The following KCNT2 variants were observed in gnomAD, a reference collection of about 807,000 sequenced individuals.
KCNT2 encodes potassium sodium-activated channel subfamily T member 2, also known as potassium channel subfamily T member 2.
A neutral mutation model predicts 153.8 loss-of-function variants in KCNT2; 67 were observed. That is an observed-to-expected ratio of 0.44 (90% CI 0.36 to 0.53). The LOEUF is 0.53. Ranked by LOEUF, KCNT2 falls within the 20% of genes least tolerant of loss-of-function variation. KCNT2 has a pLI of 0.00. For missense variants in KCNT2, 975 were observed against 1,354.8 expected (o/e 0.72, Z 4.40); for synonymous variants, 500 against 458.8 (o/e 1.09, Z -1.15).
chr1:196,596,377 T>A (rs539894509), intron 1 of KCNT2, among the ~76,000 whole-genome samples: 1 of 152,224 alleles, frequency 6.6e-6, no homozygotes, highest in African/African-American at 2.4e-5. Flanking sequence ...TTTCACCACA[T>A]CCAAGCCAAC....
At position 196,399,937 on chromosome 1, in the gene KCNT2, C is replaced by A. The variant is rs373149529; in HGVS notation, c.1186-1266G>T. ...AGTCAGCTGGCTCCTTGATTTTGGACTTTGCAGCCTCCAGAATTGTGAGCA... is the reference window on the plus strand; with the variant it reads ...AGTCAGCTGGCTCCTTGATTTTGGAATTTGCAGCCTCCAGAATTGTGAGCA... On this transcript the variant is annotated intron_variant, in intron 12 of 27. Coordinates refer to ENST00000294725, the MANE Select transcript of KCNT2 (RefSeq NM_198503.5). 2.4e-4 allele frequency among the ~76,000 whole-genome samples: 37 copies of A among 151,920 alleles called. No individual in the cohort carries two copies. In the South Asian group the frequency reaches 7.5e-3, roughly 31 times the overall value.
At chr1:196,340,681 G>T in intron 15 of KCNT2, 111 bp from the exon 16 acceptor site, 1 of 663,608 alleles carries the variant, frequency 1.5e-6, no homozygotes, top group Non-Finnish European at 2.4e-6. Context: ...GATCCTAGAA[G>T]TTCAAGATCC....
At chr1:196,368,352 A>G (rs1338847521) in intron 14 of KCNT2, among the ~76,000 whole-genome samples, 1 of 152,144 alleles carries the variant, frequency 6.6e-6, no homozygotes, top group Non-Finnish European at 1.5e-5. Flanking sequence ...TTTAAACATT[A>G]AAAGCAAACA....
intron 1 of KCNT2, among the ~76,000 whole-genome samples, chr1:196,563,562 A>C (rs1659706967): frequency 6.6e-6 from 1 of 151,936 alleles, no homozygotes; most frequent in African/African-American, 2.4e-5. Flanking sequence ...TAGACAAAGA[A>C]ACTACAAGAA....
intron 1 of KCNT2, among the ~76,000 whole-genome samples, chr1:196,505,309 C>T (rs1302162993): frequency 1.3e-5 from 2 of 152,154 alleles, no homozygotes; most frequent in Non-Finnish European, 2.9e-5. Flanking sequence ...ATATGGCTAA[C>T]CAGTTTTCCC....
intron 16 of KCNT2, among the ~76,000 whole-genome samples, chr1:196,338,930 G>A (rs1665304687): frequency 7.8e-6 from 1 of 127,986 alleles, no homozygotes; most frequent in African/African-American, 3.1e-5. Flanking sequence ...AAGGATAATG[G>A]TGTCATCTGC....
chr1:196,311,027 C>T (rs1487954828), intron 21 of KCNT2, among the ~76,000 whole-genome samples: 2 of 151,792 alleles, frequency 1.3e-5, no homozygotes, highest in African/African-American at 4.8e-5. Context: ...CTGTACCCAT[C>T]CTTTTGCCCA....
chr1:196,382,579 G>T (rs953882576), intron 13 of KCNT2, among the ~76,000 whole-genome samples: 1 of 152,036 alleles, frequency 6.6e-6, no homozygotes, highest in South Asian at 2.1e-4. Flanking sequence ...TATTGCTGAG[G>T]TTGCTGATAG....
intron 14 of KCNT2, among the ~76,000 whole-genome samples, chr1:196,357,062 C>T (rs1418414822): frequency 1.3e-5 from 2 of 151,746 alleles, no homozygotes; most frequent in African/African-American, 4.8e-5. Context: ...TATTAGCTAC[C>T]CTCTTCATTT....
intron 21 of KCNT2, among the ~76,000 whole-genome samples, chr1:196,311,915 T>C (rs1410967864): frequency 2.0e-5 from 3 of 151,894 alleles, no homozygotes; most frequent in Non-Finnish European, 2.9e-5. Context: ...TTGTTTCTAA[T>C]CCAAAGCACA....
intron 1 of KCNT2, among the ~76,000 whole-genome samples, chr1:196,601,502 C>G (rs559542027): frequency 1.3e-5 from 2 of 152,082 alleles, no homozygotes; most frequent in African/African-American, 4.8e-5. Context: ...TGTGAAAGAA[C>G]GATGTCAATG....
At chr1:196,597,627 C>A (rs1664245331) in intron 1 of KCNT2, among the ~76,000 whole-genome samples, 1 of 152,162 alleles carries the variant, frequency 6.6e-6, no homozygotes, top group South Asian at 2.1e-4. Context: ...CAGTTCATTT[C>A]TCATCTTATG....
At chr1:196,297,378 T>C (rs539420768) in intron 22 of KCNT2, among the ~76,000 whole-genome samples, 29 of 152,258 alleles carry the variant, frequency 1.9e-4, no homozygotes, top group African/African-American at 6.5e-4. Context: ...CTCTTCACAA[T>C]AGACACATAT....
At chr1:196,239,864 C>G (rs77068550) in intron 26 of KCNT2, among the ~76,000 whole-genome samples, 21 of 151,852 alleles carry the variant, frequency 1.4e-4, no homozygotes, top group African/African-American at 4.8e-4. Flanking sequence ...GTCCTCTAAT[C>G]CAATAGGACT....
chr1:196,357,865 G>C (rs1027143218), intron 14 of KCNT2, among the ~76,000 whole-genome samples: 7 of 151,748 alleles, frequency 4.6e-5, no homozygotes, highest in Non-Finnish European at 8.8e-5. Flanking sequence ...CTAGGCAATG[G>C]GTAGTCTTGT....
chr1:196,330,433 AT>A (rs1456774754), intron 18 of KCNT2, among the ~76,000 whole-genome samples: 2 of 151,870 alleles, frequency 1.3e-5, no homozygotes, highest in Non-Finnish European at 2.9e-5. Context: ...GAGAGCTGAG[AT>A]TTTTAACTGT....
intron 13 of KCNT2, among the ~76,000 whole-genome samples, chr1:196,391,532 A>G (rs1670493567): frequency 1.3e-5 from 2 of 151,360 alleles, no homozygotes; most frequent in Non-Finnish European, 3.0e-5. Flanking sequence ...CAACTATAAA[A>G]AACATTAATG....
At chr1:196,580,989 T>A (rs1319142243) in intron 1 of KCNT2, among the ~76,000 whole-genome samples, 1 of 152,160 alleles carries the variant, frequency 6.6e-6, no homozygotes, top group Non-Finnish European at 1.5e-5. Flanking sequence ...ACAATCATTA[T>A]TTTGGCAAGA....
intron 4 of KCNT2, among the ~76,000 whole-genome samples, chr1:196,479,787 C>T (rs1253529673): frequency 1.3e-5 from 2 of 152,146 alleles, no homozygotes; most frequent in Admixed American, 1.3e-4. Flanking sequence ...AGAAGCATGA[C>T]CATCTGTACC....
Sources: allele counts gnomAD v4.1 joint callset (sites outside exome capture counted in the v4.1 genomes callset), GRCh38; gene constraint gnomAD v4.1.1; transcripts MANE v1.5; gene names NCBI Gene and HGNC (gene_info 2026-07-23, HGNC 2026-07-21).